Variants in PLXNA2 observed in about 807,000 individuals in gnomAD.
The protein encoded by PLXNA2 is plexin A2, also known as plexin-A2.
In PLXNA2, 91 loss-of-function variants were observed where a neutral mutation model predicts 193.5. The observed-to-expected ratio is 0.47, with a 90% CI of 0.40 to 0.56. The LOEUF (loss-of-function observed/expected upper bound fraction) is 0.56. PLXNA2 is among the 20% of genes least tolerant of loss of function. The pLI is 0.00. For synonymous variants in PLXNA2, 997 were observed against 1,027.3 expected (o/e 0.97, Z 0.56); for missense variants, 1,995 against 2,503.2 (o/e 0.80, Z 4.33).
At chr1:208,170,967 G>A (rs1048412680) in intron 3 of PLXNA2, among the ~76,000 whole-genome samples, 2 of 152,214 alleles carry the variant, frequency 1.3e-5, no homozygotes, top group African/African-American at 4.8e-5. Context: ...TATTATAGAG[G>A]ATGGTCTTGC....
chr1:208,046,797 AGT>A (rs57420579), intron 17 of PLXNA2, among the ~76,000 whole-genome samples: 3,839 of 129,520 alleles, frequency 0.03, 106 homozygotes, highest in African/African-American at 0.079. Context: ...AGAACAGCAT[AGT>A]GTGTGTGTGT....
intron 3 of PLXNA2, among the ~76,000 whole-genome samples, chr1:208,205,001 G>C (rs960317401): frequency 6.6e-6 from 1 of 152,188 alleles, no homozygotes; most frequent in Non-Finnish European, 1.5e-5. Context: ...CAGCTTCTGT[G>C]AGGAGCCCTG....
At position 208,044,665 on chromosome 1, in the gene PLXNA2, G is replaced by T. The variant is rs770081709; in HGVS notation, c.3717C>A (p.Ile1239=). 2.5e-6 allele frequency: 4 copies of T among 1,613,946 alleles called. No individual in the cohort carries two copies. The highest frequency in any genetic ancestry group is 3.4e-6 in the Non-Finnish European group (4 of 1,180,006). Residue 1239 remains isoleucine (I), a synonymous_variant, in exon 20 of 32, where the codon ATC becomes ATA. Coordinates refer to ENST00000367033, the MANE Select transcript of PLXNA2 (RefSeq NM_025179.4). This position sits in a 1 kb window ranked among gnomAD's most constrained non-coding sequence, Gnocchi z 4.9. ...ISDSLLTLPA[I]VSIAAGGSLL... is the part of the protein sequence containing the mutation. ...GGCTGCCGCCGGCCGCGATGCTGAC[G>T]ATGGCTGGCAGGGTCAGCAAGCTGT...
chr1:208,127,854 TC>T (rs1668021364), intron 4 of PLXNA2, among the ~76,000 whole-genome samples: 1 of 151,788 alleles, frequency 6.6e-6, no homozygotes, highest in Non-Finnish European at 1.5e-5. Flanking sequence ...GCAGTAGAAA[TC>T]CCCCCTGGCG....
intron 3 of PLXNA2, among the ~76,000 whole-genome samples, chr1:208,196,485 G>T (rs2102574626): frequency 6.6e-6 from 1 of 152,326 alleles, no homozygotes; most frequent in East Asian, 1.9e-4. Context: ...AGAAGTGAAT[G>T]CAAATCCTGT....
chr1:208,076,213 A>G (rs1666144670), intron 12 of PLXNA2, among the ~76,000 whole-genome samples: 1 of 152,112 alleles, frequency 6.6e-6, no homozygotes, highest in Non-Finnish European at 1.5e-5. Flanking sequence ...CACCACAGGC[A>G]TGCACCACTA....
chr1:208,072,585 T>C (rs1666009456), intron 12 of PLXNA2, among the ~76,000 whole-genome samples: 1 of 152,186 alleles, frequency 6.6e-6, no homozygotes, highest in Non-Finnish European at 1.5e-5. Flanking sequence ...GCTTTCACTT[T>C]AGCTTAATGG....
chr1:208,191,491 A>G (rs142256445), intron 3 of PLXNA2, among the ~76,000 whole-genome samples: 7 of 152,344 alleles, frequency 4.6e-5, no homozygotes, highest in African/African-American at 1.4e-4. Context: ...TAGTACATAC[A>G]ACAATAATAT....
intron 1 of PLXNA2, among the ~76,000 whole-genome samples, chr1:208,219,763 G>A (rs538193368): frequency 6.6e-6 from 1 of 152,258 alleles, no homozygotes; most frequent in East Asian, 1.9e-4. Flanking sequence ...AGGGTGTTCG[G>A]GGTGACTCAT....
At chr1:208,148,431 C>T (rs2102493338) in intron 3 of PLXNA2, among the ~76,000 whole-genome samples, 1 of 152,318 alleles carries the variant, frequency 6.6e-6, no homozygotes, top group East Asian at 1.9e-4. Flanking sequence ...CCAAGGTTTT[C>T]TTTCATTGGC....
Position 208,044,521 on chromosome 1 carries a change from C to T in PLXNA2, c.3861G>A (p.Leu1287=), listed in dbSNP as rs1397150976. 5 of 1,613,630 alleles carry T rather than the reference C, an allele frequency of 3.1e-6. No homozygotes were observed. The highest frequency in any genetic ancestry group is 4.2e-6 in the Non-Finnish European group (5 of 1,179,706). The change falls in exon 20 of 32, where the codon TTG becomes TTA. Residue 1287 remains leucine (L), a synonymous_variant. Transcript: ENST00000367033. This position sits in a 1 kb window ranked among gnomAD's most constrained non-coding sequence, Gnocchi z 4.9. ...QMDNLESRVA[L]ECKEAFAELQ... ...GCTTCCACTAACCTTCCTTGCACTC[C>T]AAGGCCACACGGGACTCCAGATTGT...
chr1:208,042,408 G>A (rs763588345), intron 21 of PLXNA2, 42 bp from the exon 22 acceptor site: 13 of 1,591,832 alleles, frequency 8.2e-6, no homozygotes, highest in Non-Finnish European at 1.0e-5. Flanking sequence ...CAGAGGACAG[G>A]CATCGGGCCT....
At chr1:208,089,640 C>A (rs879182991) in intron 9 of PLXNA2, among the ~76,000 whole-genome samples, 4 of 152,068 alleles carry the variant, frequency 2.6e-5, no homozygotes, top group South Asian at 2.1e-4. Flanking sequence ...GAACTCCTGG[C>A]ACATGTGAAG....
intron 17 of PLXNA2, among the ~76,000 whole-genome samples, chr1:208,047,024 G>A (rs534358628): frequency 3.9e-5 from 6 of 152,170 alleles, no homozygotes; most frequent in South Asian, 4.2e-4. Context: ...GCAGTGGTGC[G>A]ATCTCAGCTC....
At chr1:208,103,097 G>A in intron 5 of PLXNA2, 50 bp downstream of exon 5, 1 of 1,264,812 alleles carries the variant, frequency 7.9e-7, no homozygotes, top group Non-Finnish European at 1.2e-6. Flanking sequence ...TTCCCGGAAA[G>A]CCCCGGTCTT....
At chr1:208,034,292 T>C (rs1306170353) in intron 27 of PLXNA2, among the ~76,000 whole-genome samples, 1 of 152,118 alleles carries the variant, frequency 6.6e-6, no homozygotes, top group Non-Finnish European at 1.5e-5. Context: ...GGGCACATGG[T>C]GCCACCTGCT....
chr1:208,243,840 C>T lies in PLXNA2; in HGVS notation c.-278G>A, dbSNP rs1395226339. 1 of 152,324 alleles carries T rather than the reference C, an allele frequency of 6.6e-6. No homozygotes were observed. The highest frequency in any genetic ancestry group is 2.4e-5 in the African/African-American group (1 of 41,458). 9.4% of individuals were successfully genotyped at this position (152,324 alleles called of 1,614,324 possible). On this transcript the variant is annotated 5_prime_UTR_variant, in exon 1 of 32. Coordinates refer to ENST00000367033, the MANE Select transcript of PLXNA2 (RefSeq NM_025179.4). The stretch of plus-strand genomic sequence containing the variant: ...CTTATCTGTATTCCTGAAGTCGCTC[C>T]TCGGTCTCCGCTCCGCGCGCCCCTC...
chr1:208,104,147 T>A (rs369800003), intron 4 of PLXNA2, among the ~76,000 whole-genome samples: 44 of 152,294 alleles, frequency 2.9e-4, no homozygotes, highest in Admixed American at 1.3e-3. Flanking sequence ...GGTTCTTATT[T>A]GTTAGGGCAT....
At chr1:208,196,112 A>G (rs971204994) in intron 3 of PLXNA2, among the ~76,000 whole-genome samples, 1 of 152,206 alleles carries the variant, frequency 6.6e-6, no homozygotes, top group Non-Finnish European at 1.5e-5. Flanking sequence ...ACGAGTAACC[A>G]TGAACTTGCC....
Sources: allele counts gnomAD v4.1 joint callset (sites outside exome capture counted in the v4.1 genomes callset), GRCh38; gene constraint gnomAD v4.1.1; non-coding constraint Gnocchi (gnomAD v3.1); transcripts MANE v1.5; gene names NCBI Gene and HGNC (gene_info 2026-07-23, HGNC 2026-07-21).